KCNIP4: variants seen among roughly 807,000 people sequenced by gnomAD.
The protein encoded by KCNIP4 is potassium voltage-gated channel interacting protein 4.
In KCNIP4, 12 loss-of-function variants were observed where a neutral mutation model predicts 34.0. That is an observed-to-expected ratio of 0.35 (90% CI 0.23 to 0.57). The LOEUF (loss-of-function observed/expected upper bound fraction) is 0.57, where lower values mean the gene tolerates loss of function less well. Among genes scored for constraint, KCNIP4 ranks in the 20% least tolerant of loss-of-function variants. The pLI is 0.83. For missense variants in KCNIP4, 238 were observed against 311.7 expected, an observed-to-expected ratio of 0.76 and a Z score of 1.78; for synonymous variants, 124 against 102.2, an observed-to-expected ratio of 1.21 and a Z score of -1.29.
At position 20,759,914 on chromosome 4, in the gene KCNIP4, C is replaced by T. The variant is rs117073383; in HGVS notation, c.289-1024G>A. ...TGGGGCATTGCTTCCAGGACCACCG[C>T]GGATACCAAAATCCATGCACATTCA... is the stretch of plus-strand genomic sequence containing the variant. On this transcript the variant is annotated intron_variant, in intron 3 of 8. Coordinates refer to ENST00000382152, the MANE Select transcript of KCNIP4 (RefSeq NM_025221.6). 2.2e-3 allele frequency among the ~76,000 whole-genome samples: 342 copies of T among 152,220 alleles called. 7 individuals are homozygous for T. In the South Asian group the frequency reaches 0.044, roughly 19 times the overall value.
intron 2 of KCNIP4, among the ~76,000 whole-genome samples, chr4:20,865,270 G>A (rs1184731404): frequency 2.0e-5 from 3 of 151,932 alleles, no homozygotes; most frequent in South Asian, 2.1e-4. Context: ...AAACATCATA[G>A]GCATATTAGA....
At chr4:21,421,812 GTTAA>G (rs988434209) in intron 1 of KCNIP4, among the ~76,000 whole-genome samples, 1 of 152,146 alleles carries the variant, frequency 6.6e-6, no homozygotes, top group Admixed American at 6.6e-5. Context: ...GCTTGATTGT[GTTAA>G]TTATTTCAAA....
intron 1 of KCNIP4, among the ~76,000 whole-genome samples, chr4:21,790,732 T>C (rs901961150): frequency 6.6e-6 from 1 of 152,066 alleles, no homozygotes; most frequent in African/African-American, 2.4e-5. Context: ...ATCATTGCCT[T>C]ATAATCTTAG....
intron 1 of KCNIP4, among the ~76,000 whole-genome samples, chr4:21,901,710 T>C (rs886573757): frequency 6.6e-6 from 1 of 152,220 alleles, no homozygotes; most frequent in Non-Finnish European, 1.5e-5. Context: ...TGAAATCTAT[T>C]ACTACGCATT....
rs1469187950 is a variant in KCNIP4 at position 21,234,461 on chromosome 4, C to T, written c.62-351752G>A. Among the ~76,000 whole-genome samples, 4 of 98,980 alleles carry T rather than the reference C, an allele frequency of 4.0e-5. No individual in the cohort carries two copies. In the East Asian group the frequency reaches 9.0e-4, roughly 22 times the overall value. The allele number at this position is 98,980 out of a possible 152,430, so 64.9% of individuals were successfully genotyped here. A position where few individuals can be genotyped will look rare whatever the true frequency, so the allele number is the denominator to read the frequency against. Reference sequence around the variant, plus strand: ...CGTATATAATATATATTACATATAACGTATATAATATATAGTACATATAAC... The same window carrying T: ...CGTATATAATATATATTACATATAATGTATATAATATATAGTACATATAAC... On this transcript the variant is annotated intron_variant, in intron 1 of 8. Transcript: ENST00000382152.
At chr4:21,881,421 A>G (rs1726454493) in intron 1 of KCNIP4, among the ~76,000 whole-genome samples, 1 of 152,174 alleles carries the variant, frequency 6.6e-6, no homozygotes, top group Non-Finnish European at 1.5e-5. Flanking sequence ...AATAGTAAAT[A>G]TTATTTTCAA....
intron 3 of KCNIP4, chr4:20,766,778 T>C (rs1334496525): frequency 2.0e-5 from 3 of 152,172 alleles, no homozygotes; most frequent in African/African-American, 7.2e-5. Flanking sequence ...ATACAATAGC[T>C]GGTAATTTTT....
intron 1 of KCNIP4, among the ~76,000 whole-genome samples, chr4:21,368,919 C>T (rs1408074990): frequency 1.4e-5 from 2 of 147,276 alleles, no homozygotes; most frequent in East Asian, 2.0e-4. Context: ...AGTCTTCATT[C>T]ATCTGTCCTT....
intron 1 of KCNIP4, among the ~76,000 whole-genome samples, chr4:20,920,280 C>G (rs189855463): frequency 1.3e-5 from 2 of 152,208 alleles, no homozygotes; most frequent in East Asian, 3.9e-4. Context: ...CTGAACAATT[C>G]CTGGACAGCC....
intron 1 of KCNIP4, among the ~76,000 whole-genome samples, chr4:21,835,782 A>G (rs1723282156): frequency 6.6e-6 from 1 of 152,212 alleles, no homozygotes; most frequent in Non-Finnish European, 1.5e-5. Flanking sequence ...AGAAGCAAAC[A>G]AATACCAATC....
chr4:21,117,300 C>CGGGGGGG (rs372039728), intron 1 of KCNIP4, among the ~76,000 whole-genome samples: 1 of 32,596 alleles, frequency 3.1e-5, no homozygotes, highest in Admixed American at 4.1e-4. Flanking sequence ...CCGGGGTTGC[C>CGGGGGGG]GGGGGGGGGG....
intron 1 of KCNIP4, among the ~76,000 whole-genome samples, chr4:21,600,149 C>T (rs1208750102): frequency 6.6e-6 from 1 of 152,050 alleles, no homozygotes; most frequent in Non-Finnish European, 1.5e-5. Flanking sequence ...CTTGGTGATG[C>T]TAAGGTATGG....
chr4:21,663,768 A>G (rs1188872205), intron 1 of KCNIP4, among the ~76,000 whole-genome samples: 1 of 152,196 alleles, frequency 6.6e-6, no homozygotes, highest in Non-Finnish European at 1.5e-5. Context: ...TGACATCTAC[A>G]AAACAGAAAT....
intron 1 of KCNIP4, among the ~76,000 whole-genome samples, chr4:21,351,723 G>A (rs1718020281): frequency 6.6e-6 from 1 of 152,146 alleles, no homozygotes; most frequent in Non-Finnish European, 1.5e-5. Flanking sequence ...ACACAGACAT[G>A]CACATGCACA....
At chr4:20,865,265 T>A (rs1009318193) in intron 2 of KCNIP4, among the ~76,000 whole-genome samples, 2 of 152,030 alleles carry the variant, frequency 1.3e-5, no homozygotes, top group Admixed American at 1.3e-4. Context: ...TTGAAAAACA[T>A]CATAGGCATA....
At position 21,137,871 on chromosome 4, in the gene KCNIP4, C is replaced by CTTTTTTTTTTTTTTTTT. The variant is rs144440285; in HGVS notation, c.62-255163_62-255162insAAAAAAAAAAAAAAAAA. Among the ~76,000 whole-genome samples the CTTTTTTTTTTTTTTTTT allele has an allele frequency of 1.0e-4, 12 of 118,146 alleles. 2 individuals carry two copies. The highest frequency in any genetic ancestry group is 1.8e-4 in the African/African-American group (5 of 28,064). 77.5% of individuals were successfully genotyped at this position (118,146 alleles called of 152,430 possible). A position where few individuals can be genotyped will look rare whatever the true frequency, so the allele number is the denominator to read the frequency against. On this transcript the variant is annotated intron_variant, in intron 1 of 8. Coordinates refer to ENST00000382152, the MANE Select transcript of KCNIP4 (RefSeq NM_025221.6). ...ATGAAGGCTTTTTCCCTTACACAGG[C>CTTTTTTTTTTTTTTTTT]TTTTTTGTTTTTTTTTTTTTGATGG...
intron 1 of KCNIP4, among the ~76,000 whole-genome samples, chr4:21,579,526 T>C (rs1179837281): frequency 6.6e-6 from 1 of 152,212 alleles, no homozygotes. Flanking sequence ...AATTAAATTC[T>C]ATATATCCAT....
chr4:21,181,086 G>C (rs538047492), intron 1 of KCNIP4, among the ~76,000 whole-genome samples: 88 of 152,116 alleles, frequency 5.8e-4, no homozygotes, highest in Non-Finnish European at 9.4e-4. Flanking sequence ...GGCAATCACA[G>C]TAAAACCTGC....
intron 1 of KCNIP4, among the ~76,000 whole-genome samples, chr4:21,924,536 G>A (rs190413468): frequency 9.2e-5 from 14 of 151,984 alleles, no homozygotes; most frequent in South Asian, 6.2e-4. Context: ...GAGCCACCGC[G>A]CCTGGACAAT....
Sources: gnomAD v4.1 joint callset for allele counts (sites outside exome capture counted in the v4.1 genomes callset) on GRCh38, gnomAD v4.1.1 for gene constraint, MANE v1.5 for transcripts, NCBI Gene and HGNC (gene_info 2026-07-23, HGNC 2026-07-21) for gene names.